KANK1: variants seen among roughly 807,000 people sequenced by gnomAD.
KANK1 encodes KN motif and ankyrin repeat domain-containing protein 1.
KANK1 carries 109 observed loss-of-function variants against 106.2 expected under a neutral mutation model. The observed-to-expected ratio is 1.03, with a 90% CI of 0.88 to 1.20. The LOEUF (loss-of-function observed/expected upper bound fraction) is 1.20. Ranked by LOEUF, KANK1 falls within the 50% of genes most tolerant of loss-of-function variation. The probability of loss-of-function intolerance (pLI) is 0.00; values close to 1 mark genes in which losing one functional copy is unlikely to be tolerated. For missense variants in KANK1, 2,399 were observed against 1,710.7 expected, an observed-to-expected ratio of 1.40 and a Z score of -7.10; for synonymous variants, 873 against 652.2, an observed-to-expected ratio of 1.34 and a Z score of -5.16.
intron 1 of KANK1, among the ~76,000 whole-genome samples, chr9:612,789 G>A (rs998267208): frequency 6.6e-6 from 1 of 152,098 alleles, no homozygotes; most frequent in African/African-American, 2.4e-5. Context: ...CTTTGACTGT[G>A]ACACTCTTTC....
At chr9:637,719 T>A (rs879943581) in intron 1 of KANK1, among the ~76,000 whole-genome samples, 8 of 152,172 alleles carry the variant, frequency 5.3e-5, no homozygotes, top group Admixed American at 5.2e-4. Flanking sequence ...TGTTTAGAAT[T>A]TTTTTAGGGA....
intron 1 of KANK1, among the ~76,000 whole-genome samples, chr9:508,485 A>G (rs925658471): frequency 2.0e-5 from 3 of 152,220 alleles, no homozygotes; most frequent in African/African-American, 7.2e-5. Flanking sequence ...TCACAAAGTG[A>G]ACATAAACAT....
chr9:558,008 A>G (rs191760662), intron 1 of KANK1, among the ~76,000 whole-genome samples: 135 of 151,128 alleles, frequency 8.9e-4, no homozygotes, highest in Admixed American at 2.9e-3. Flanking sequence ...CTCTCAAAAA[A>G]CAAACAAACA....
In KANK1 at chr9:625,508, T is replaced by C. The variant is rs189661578; in HGVS notation, c.-83-51382T>C. Among the ~76,000 whole-genome samples the C allele has an allele frequency of 4.9e-3, 753 of 152,320 alleles. 26 individuals carry two copies. Among genetic ancestry groups the C allele is most frequent in the Non-Finnish European group, 9.6e-4 (65 of 68,026 alleles). On this transcript the variant is annotated intron_variant, in intron 1 of 11. Transcript: ENST00000382297. ...TTTCTCTTAATCTACAGGAAACTTC[T>C]GGGTTGGGCCTTCTCATAGTTATCC...
intron 1 of KANK1, among the ~76,000 whole-genome samples, chr9:593,835 T>C (rs997199281): frequency 4.6e-5 from 7 of 151,924 alleles, no homozygotes; most frequent in African/African-American, 1.7e-4. Flanking sequence ...GACAAGTAAC[T>C]GGACTTCTAG....
chr9:622,613 A>C lies in KANK1; in HGVS notation c.-83-54277A>C, dbSNP rs144360188. 1.5e-3 allele frequency among the ~76,000 whole-genome samples: 236 copies of C among 152,284 alleles called. 3 individuals carry two copies. Among genetic ancestry groups the C allele is most frequent in the African/African-American group, 5.4e-3 (224 of 41,550 alleles). On this transcript the variant is annotated intron_variant, in intron 1 of 11. Coordinates refer to ENST00000382297, the MANE Select transcript of KANK1 (RefSeq NM_015158.5). Reference sequence around the variant, plus strand: ...TCAACTTGAAATGGATTAAGACTTAACTGTAAGAGGCCGGGTGCAGTGGCT... The same window carrying C: ...TCAACTTGAAATGGATTAAGACTTACCTGTAAGAGGCCGGGTGCAGTGGCT...
intron 1 of KANK1, among the ~76,000 whole-genome samples, chr9:663,714 C>T (rs2361108): frequency 0.84 from 127,629 of 152,194 alleles, 53,654 homozygotes; most frequent in East Asian, 0.97. Context: ...CAGGAAGCTG[C>T]GTGGGTCTCA....
At chr9:630,084 C>G (rs370247337) in intron 1 of KANK1, among the ~76,000 whole-genome samples, 3 of 151,668 alleles carry the variant, frequency 2.0e-5, no homozygotes, top group African/African-American at 7.3e-5. Flanking sequence ...GCTGTCTCCA[C>G]TAGAAAATAC....
intron 1 of KANK1, among the ~76,000 whole-genome samples, chr9:538,556 C>T (rs1490586426): frequency 1.3e-5 from 2 of 152,218 alleles, no homozygotes; most frequent in Non-Finnish European, 2.9e-5. Context: ...CAAGTTGGAA[C>T]AGTCCTAACT....
chr9:705,336 A>G (rs1198501115), intron 2 of KANK1, among the ~76,000 whole-genome samples: 1 of 152,040 alleles, frequency 6.6e-6, no homozygotes, highest in African/African-American at 2.4e-5. Flanking sequence ...AAATACAAAA[A>G]GTAGCTGGGC....
chr9:503,160 G>A (rs938123130), upstream of KANK1, among the ~76,000 whole-genome samples: 2 of 151,970 alleles, frequency 1.3e-5, no homozygotes, highest in Non-Finnish European at 2.9e-5. Flanking sequence ...TTAAAATGCA[G>A]GAGTCTTCCT....
chr9:594,715 A>G (rs534323983), intron 1 of KANK1, among the ~76,000 whole-genome samples: 1 of 151,974 alleles, frequency 6.6e-6, no homozygotes, highest in African/African-American at 2.4e-5. Context: ...GTTCAAAAAT[A>G]TTGAACGTGA....
At chr9:523,444 G>A (rs2059640361) in intron 1 of KANK1, among the ~76,000 whole-genome samples, 1 of 151,638 alleles carries the variant, frequency 6.6e-6, no homozygotes, top group Admixed American at 6.6e-5. Context: ...TGGACTCTCT[G>A]CTTCCCTTGC....
At chr9:613,147 A>G (rs1012682059) in intron 1 of KANK1, among the ~76,000 whole-genome samples, 12 of 152,020 alleles carry the variant, frequency 7.9e-5, no homozygotes, top group Admixed American at 7.9e-4. Flanking sequence ...ATAGGCCAGT[A>G]ATTTGGCTCC....
chr9:658,901 A>G (rs1025721215), intron 1 of KANK1, among the ~76,000 whole-genome samples: 1 of 152,060 alleles, frequency 6.6e-6, no homozygotes, highest in Admixed American at 6.5e-5. Flanking sequence ...CTTAGTTTCA[A>G]TGTTGTTTCC....
intron 1 of KANK1, among the ~76,000 whole-genome samples, chr9:557,689 C>G (rs1815189009): frequency 6.6e-6 from 1 of 152,104 alleles, no homozygotes; most frequent in Admixed American, 6.5e-5. Context: ...GAAGGCAGCC[C>G]AAGAACTTAA....
At chr9:714,284 C>T (rs1186931687) in intron 3 of KANK1, among the ~76,000 whole-genome samples, 1 of 151,058 alleles carries the variant, frequency 6.6e-6, no homozygotes, top group Non-Finnish European at 1.5e-5. Context: ...ATGGGAACAG[C>T]GAGTGGTAGT....
intron 1 of KANK1, among the ~76,000 whole-genome samples, chr9:640,009 A>G (rs879395887): frequency 6.6e-6 from 1 of 152,174 alleles, no homozygotes; most frequent in Non-Finnish European, 1.5e-5. Context: ...GTTGGGTTTC[A>G]AAATGTAAAT....
At position 714,524 on chromosome 9, in the gene KANK1, C is replaced by T. The variant is rs573193873; in HGVS notation, c.2698+1060C>T. 2.0e-5 allele frequency among the ~76,000 whole-genome samples: 3 copies of T among 151,952 alleles called. No individual in the cohort carries two copies. In the South Asian group the frequency reaches 6.3e-4, roughly 32 times the overall value. On this transcript the variant is annotated intron_variant, in intron 3 of 11. Coordinates refer to ENST00000382297, the MANE Select transcript of KANK1 (RefSeq NM_015158.5). ...ACAGGTGCCCACCACTATGCCCAGC[C>T]ACTTTTGTATTTTAGTAGAGATAGG...
Sources: allele counts gnomAD v4.1 joint callset (sites outside exome capture counted in the v4.1 genomes callset), GRCh38; gene constraint gnomAD v4.1.1; transcripts MANE v1.5; gene names NCBI Gene and HGNC (gene_info 2026-07-23, HGNC 2026-07-21).